Variants in ESRRG observed in about 807,000 individuals in gnomAD.
The protein encoded by ESRRG is estrogen-related receptor gamma.
Under a neutral mutation model 44.0 loss-of-function variants are expected in ESRRG, and 13 were observed. The observed-to-expected ratio is 0.30, with a 90% CI of 0.19 to 0.47. The LOEUF (loss-of-function observed/expected upper bound fraction) is 0.47. Ranked by LOEUF, ESRRG falls within the 20% of genes least tolerant of loss-of-function variation. The pLI, the probability that ESRRG is intolerant of heterozygous loss-of-function variation, is 1.00. For missense variants in ESRRG, 395 were observed against 580.6 expected, an observed-to-expected ratio of 0.68 and a Z score of 3.29; for synonymous variants, 215 against 214.6, an observed-to-expected ratio of 1.00 and a Z score of -0.02.
At chr1:217,026,749 C>T (rs749244582) in intron 1 of ESRRG, among the ~76,000 whole-genome samples, 1 of 152,050 alleles carries the variant, frequency 6.6e-6, no homozygotes. Context: ...GCCTACAGTG[C>T]CATGTGGATG....
intron 1 of ESRRG, among the ~76,000 whole-genome samples, chr1:217,009,191 C>T (rs563472786): frequency 6.6e-6 from 1 of 152,248 alleles, no homozygotes; most frequent in South Asian, 2.1e-4. Flanking sequence ...AGGTATTACC[C>T]CCTTACCGCT....
chr1:217,050,154 A>G (rs1214438523), intron 1 of ESRRG, among the ~76,000 whole-genome samples: 1 of 152,170 alleles, frequency 6.6e-6, no homozygotes, highest in Admixed American at 6.5e-5. Flanking sequence ...TCTGACCTGG[A>G]CCTCAAGGAT....
Position 216,507,171 on chromosome 1 carries a change from A to G in ESRRG, c.1145T>C (p.Ile382Thr), listed in dbSNP as rs763216993. 1 of 1,610,790 alleles carries G rather than the reference A, an allele frequency of 6.2e-7. No individual in the cohort carries two copies. The highest frequency in any genetic ancestry group is 1.1e-5 in the South Asian group (1 of 90,782). The change falls in exon 7 of 7, where the codon ATA becomes ACA. Residue 382 changes from isoleucine to threonine, a missense_variant. Ile to Thr is a moderately conservative substitution (Grantham distance 89). Transcript: ENST00000408911. ...CTTCTGAACGGCTTCAACATCTTCTATGTGCATGGAGTCTGTGCAATGAAG... is the reference window on the plus strand; with the variant it reads ...CTTCTGAACGGCTTCAACATCTTCTGTGTGCATGGAGTCTGTGCAATGAAG... ...IALANSDSMHIEDVEAVQKLQ... is the reference protein window; with the variant it reads ...IALANSDSMHTEDVEAVQKLQ...
intron 1 of ESRRG, among the ~76,000 whole-genome samples, chr1:216,713,019 C>T (rs1408621278): frequency 6.6e-6 from 1 of 152,190 alleles, no homozygotes; most frequent in Non-Finnish European, 1.5e-5. Context: ...GAATTCCCCA[C>T]TGCTGCTGAA....
chr1:216,762,504 A>G (rs1418277791), intron 2 of ESRRG, among the ~76,000 whole-genome samples: 1 of 146,516 alleles, frequency 6.8e-6, no homozygotes, highest in Non-Finnish European at 1.5e-5. Context: ...GAATTGAACA[A>G]TGAGAACACA....
chr1:216,890,521 G>T (rs946620463), intron 2 of ESRRG, among the ~76,000 whole-genome samples: 4 of 152,094 alleles, frequency 2.6e-5, no homozygotes, highest in Non-Finnish European at 5.9e-5. Context: ...AAATATAACT[G>T]ACCACTATGA....
chr1:216,839,659 C>T (rs1281256241), intron 2 of ESRRG, among the ~76,000 whole-genome samples: 2 of 152,132 alleles, frequency 1.3e-5, no homozygotes, highest in African/African-American at 4.8e-5. Context: ...CAACATTCAT[C>T]AACATGTCCA....
intron 2 of ESRRG, among the ~76,000 whole-genome samples, chr1:216,881,182 A>C (rs1380165791): frequency 6.6e-6 from 1 of 152,136 alleles, no homozygotes; most frequent in Non-Finnish European, 1.5e-5. Context: ...TCCTAAATAA[A>C]CCCTCAATTT....
chr1:216,739,072 G>A (rs2090342607), intron 2 of ESRRG, among the ~76,000 whole-genome samples: 1 of 152,122 alleles, frequency 6.6e-6, no homozygotes, highest in South Asian at 2.1e-4. Flanking sequence ...GAGGCTCCCA[G>A]TAGAATAGAG....
intron 2 of ESRRG, among the ~76,000 whole-genome samples, chr1:216,790,393 G>A (rs2094280922): frequency 1.3e-5 from 2 of 151,976 alleles, no homozygotes; most frequent in African/African-American, 2.4e-5. Context: ...TTAACCTAAT[G>A]GAATAAGGCA....
intron 1 of ESRRG, among the ~76,000 whole-genome samples, chr1:216,988,704 G>T (rs1025782249): frequency 2.6e-5 from 4 of 152,152 alleles, no homozygotes; most frequent in African/African-American, 9.7e-5. Flanking sequence ...TCTGGTACTT[G>T]AAGGTAAAAC....
At chr1:216,991,028 A>G (rs2075612642) in intron 1 of ESRRG, among the ~76,000 whole-genome samples, 1 of 152,048 alleles carries the variant, frequency 6.6e-6, no homozygotes, top group Admixed American at 6.6e-5. Context: ...GAGCACTACC[A>G]TCTGAGCTCT....
chr1:216,645,871 CAAAAAAAAAAA>C (rs776262531), intron 3 of ESRRG, among the ~76,000 whole-genome samples: 2 of 91,212 alleles, frequency 2.2e-5, no homozygotes. Flanking sequence ...GACCCCTTCT[CAAAAAAAAAAA>C]AAAAAAAAAA....
At chr1:216,956,803 G>A (rs560896914) in intron 1 of ESRRG, among the ~76,000 whole-genome samples, 9 of 152,140 alleles carry the variant, frequency 5.9e-5, no homozygotes, top group African/African-American at 1.2e-4. Flanking sequence ...ACAGAGGTTC[G>A]CATGAACAAT....
chr1:216,762,382 A>G (rs933971452), intron 2 of ESRRG, among the ~76,000 whole-genome samples: 8 of 152,000 alleles, frequency 5.3e-5, no homozygotes, highest in African/African-American at 1.9e-4. Context: ...GCCATAAAAA[A>G]TGATGAGTTC....
At chr1:217,043,843 C>T (rs1214920976) in intron 1 of ESRRG, among the ~76,000 whole-genome samples, 1 of 151,932 alleles carries the variant, frequency 6.6e-6, no homozygotes, top group African/African-American at 2.4e-5. Flanking sequence ...AGATAATGGT[C>T]CCTCCTTAAT....
intron 1 of ESRRG, among the ~76,000 whole-genome samples, chr1:217,041,182 C>T (rs1050927434): frequency 9.2e-5 from 14 of 151,968 alleles, no homozygotes; most frequent in African/African-American, 3.4e-4. Flanking sequence ...ATCACAGAGA[C>T]CCAGGGATCT....
At chr1:216,707,274 C>T in intron 1 of ESRRG, 1 of 1,433,048 alleles carries the variant, frequency 7.0e-7, no homozygotes, top group Non-Finnish European at 9.4e-7. Context: ...AAAAATCAAA[C>T]CATATACAAG....
chr1:216,867,990 CA>C (rs2096196725), intron 2 of ESRRG, among the ~76,000 whole-genome samples: 1 of 150,012 alleles, frequency 6.7e-6, no homozygotes, highest in Non-Finnish European at 1.5e-5. Flanking sequence ...TTGTGAATGT[CA>C]TAAAATGGGA....
Sources: gnomAD v4.1 joint callset for allele counts (sites outside exome capture counted in the v4.1 genomes callset) on GRCh38, gnomAD v4.1.1 for gene constraint, MANE v1.5 for transcripts, NCBI Gene and HGNC (gene_info 2026-07-23, HGNC 2026-07-21) for gene names.